The following LANCL3 variants were observed in gnomAD, a reference collection of about 807,000 sequenced individuals.
The protein encoded by LANCL3 is lanC-like protein 3.
Under a neutral mutation model 26.5 loss-of-function variants are expected in LANCL3, and 19 were observed. That is an observed-to-expected ratio of 0.72 (90% CI 0.50 to 1.05). The LOEUF is 1.05. Among genes scored for constraint, LANCL3 ranks in the 50% least tolerant of loss-of-function variants. The pLI, the probability that LANCL3 is intolerant of heterozygous loss-of-function variation, is 0.00. For synonymous variants in LANCL3, 160 were observed against 166.6 expected, an observed-to-expected ratio of 0.96 and a Z score of 0.30; for missense variants, 318 against 362.7, an observed-to-expected ratio of 0.88 and a Z score of 1.00.
chrX:37,584,077 G>A lies in LANCL3; in HGVS notation c.573+11634G>A, dbSNP rs183713602. Among the ~76,000 whole-genome samples the A allele has an allele frequency of 2.5e-3, 284 of 111,544 alleles. 8 individuals are homozygous for A. In the East Asian group the frequency reaches 0.043, roughly 17 times the overall value. ...CTTTTCTGCATCTGTTGAGATAATC[G>A]TGTGGTTTTTGTCTTTGGTTCTGTT... On this transcript the variant is annotated intron_variant, in intron 1 of 4. Coordinates refer to ENST00000378619, the MANE Select transcript of LANCL3 (RefSeq NM_001170331.2).
chrX:37,586,628 G>A (rs1556418072), intron 1 of LANCL3, among the ~76,000 whole-genome samples: 1 of 112,064 alleles, frequency 8.9e-6, no homozygotes, highest in African/African-American at 3.2e-5. Flanking sequence ...TAGTTCTCGT[G>A]CCATGGTTTT....
chrX:37,658,591 C>T (rs782191852), intron 2 of LANCL3, among the ~76,000 whole-genome samples: 79 of 111,984 alleles, frequency 7.1e-4, no homozygotes, highest in Non-Finnish European at 1.1e-3. Context: ...CCAGAAGTGA[C>T]GTTTAACCAA....
chrX:37,611,100 G>A (rs1924856494), intron 1 of LANCL3, among the ~76,000 whole-genome samples: 1 of 111,973 alleles, frequency 8.9e-6, no homozygotes, highest in Non-Finnish European at 1.9e-5. Context: ...AAGGAATTAG[G>A]AAAGTAGAGT....
intron 1 of LANCL3, among the ~76,000 whole-genome samples, chrX:37,573,735 G>A (rs73470131): frequency 0.018 from 1,958 of 111,135 alleles, 60 homozygotes; most frequent in African/African-American, 0.061. Flanking sequence ...TTGTAGTCTG[G>A]CAGCAGGCAA....
intron 1 of LANCL3, among the ~76,000 whole-genome samples, chrX:37,646,234 T>C (rs1925980650): frequency 8.8e-6 from 1 of 113,037 alleles, no homozygotes; most frequent in Non-Finnish European, 1.9e-5. Context: ...TCAAGATCAG[T>C]TTCCTACTTG....
intron 1 of LANCL3, among the ~76,000 whole-genome samples, chrX:37,630,936 G>A (rs1925480725): frequency 9.0e-6 from 1 of 111,277 alleles, no homozygotes; most frequent in African/African-American, 3.3e-5. Flanking sequence ...TCTCTGCCCG[G>A]CTTTGGTATC....
At chrX:37,589,174 A>G (rs1924199077) in intron 1 of LANCL3, among the ~76,000 whole-genome samples, 1 of 111,950 alleles carries the variant, frequency 8.9e-6, no homozygotes, top group Non-Finnish European at 1.9e-5. Context: ...TCTGAGACAA[A>G]AAGAATTGCA....
rs781967634 is a variant in LANCL3, at chrX:37,669,976, AT to A, written c.1103+2493del. Among the ~76,000 whole-genome samples, 131 of 112,124 alleles carry A rather than the reference AT, an allele frequency of 1.2e-3. 2 individuals are homozygous for A. Among genetic ancestry groups the A allele is most frequent in the African/African-American group, 4.1e-3 (125 of 30,769 alleles). ...ATTTCATTTTGTATGAATCTATCTC[AT>A]TTTTTAAAATGGCTATATAGTTATT... is the stretch of plus-strand genomic sequence containing the variant. On this transcript the variant is annotated intron_variant, in intron 4 of 4. Coordinates refer to ENST00000378619, the MANE Select transcript of LANCL3 (RefSeq NM_001170331.2).
At chrX:37,639,253 A>G (rs1288530606) in intron 1 of LANCL3, among the ~76,000 whole-genome samples, 2 of 101,758 alleles carry the variant, frequency 2.0e-5, no homozygotes, top group Non-Finnish European at 4.0e-5. Flanking sequence ...ACATATACAC[A>G]CATACATATA....
At chrX:37,575,215 C>T (rs782283281) in intron 1 of LANCL3, among the ~76,000 whole-genome samples, 1 of 111,126 alleles carries the variant, frequency 9.0e-6, no homozygotes, top group Admixed American at 9.5e-5. Context: ...TCATGAGCCA[C>T]TGTGCCTGGC....
In LANCL3 at chrX:37,678,116, T is replaced by A. The variant is rs191052257; in HGVS notation, c.*2303T>A. On this transcript the variant is annotated 3_prime_UTR_variant, in exon 5 of 5. Transcript: ENST00000378619. ...TGTCAAATCTAAGCAAAGACCATGT[T>A]TGAGTATTGTCTTTATGAAATGACA... 7.1e-5 allele frequency: 8 copies of A among 112,310 alleles called. No individual in the cohort carries two copies. Among genetic ancestry groups the A allele is most frequent in the African/African-American group, 2.3e-4 (7 of 31,043 alleles). 9.3% of individuals were successfully genotyped at this position (112,310 alleles called of 1,213,427 possible). A position where few individuals can be genotyped will look rare whatever the true frequency, so the allele number is the denominator to read the frequency against.
chrX:37,658,760 A>G (rs782031254), intron 2 of LANCL3, among the ~76,000 whole-genome samples: 2 of 112,245 alleles, frequency 1.8e-5, no homozygotes, highest in Non-Finnish European at 3.8e-5. Flanking sequence ...CTTCAAATGT[A>G]TCGACCAAAT....
intron 4 of LANCL3, 85 bp from the exon 5 acceptor site, chrX:37,675,569 C>T (rs781854528): frequency 8.7e-6 from 4 of 460,372 alleles, no homozygotes; most frequent in Non-Finnish European, 1.3e-5. Context: ...TATGCTAAAA[C>T]TTTAATAGAA....
chrX:37,622,014 C>T (rs571159623), intron 1 of LANCL3, among the ~76,000 whole-genome samples: 33 of 111,694 alleles, frequency 3.0e-4, no homozygotes, highest in Middle Eastern at 4.6e-3. Context: ...GCCAAACACT[C>T]TCCTCCTCTA....
At chrX:37,638,615 T>A (rs1211637760) in intron 1 of LANCL3, among the ~76,000 whole-genome samples, 3 of 112,050 alleles carry the variant, frequency 2.7e-5, no homozygotes, top group Middle Eastern at 4.2e-3. Context: ...CCCTGATTTA[T>A]TTTTGCTTTT....
At chrX:37,599,278 T>C (rs1389689260) in intron 1 of LANCL3, among the ~76,000 whole-genome samples, 2 of 112,446 alleles carry the variant, frequency 1.8e-5, no homozygotes, top group Non-Finnish European at 3.8e-5. Context: ...ATTAGACATT[T>C]AAATAAAAAC....
At chrX:37,645,845 A>T (rs1293683629) in intron 1 of LANCL3, among the ~76,000 whole-genome samples, 1 of 111,851 alleles carries the variant, frequency 8.9e-6, no homozygotes, top group Non-Finnish European at 1.9e-5. Context: ...CCCATCCTAG[A>T]CCTACCGAAT....
chrX:37,598,988 T>A lies in LANCL3; in HGVS notation c.573+26545T>A, dbSNP rs183807128. Among the ~76,000 whole-genome samples the A allele has an allele frequency of 8.0e-3, 898 of 112,452 alleles. 5 individuals are homozygous for A. The highest frequency in any genetic ancestry group is 0.027 in the African/African-American group (849 of 30,971). ...AATTTCAAAGATGTTAAGATTTTTT[T>A]AAAAAAGTATATCTTGGAATTGATA... On this transcript the variant is annotated intron_variant, in intron 1 of 4. Coordinates refer to ENST00000378619, the MANE Select transcript of LANCL3 (RefSeq NM_001170331.2).
intron 1 of LANCL3, among the ~76,000 whole-genome samples, chrX:37,618,944 C>T (rs1925080254): frequency 1.8e-5 from 2 of 111,210 alleles, no homozygotes; most frequent in Non-Finnish European, 3.8e-5. Context: ...CAAACCTTTG[C>T]TTCCCTTTTT....
Sources: allele counts gnomAD v4.1 joint callset (sites outside exome capture counted in the v4.1 genomes callset), GRCh38; gene constraint gnomAD v4.1.1; transcripts MANE v1.5; gene names NCBI Gene and HGNC (gene_info 2026-07-23, HGNC 2026-07-21).